Variants in COL28A1 observed in about 807,000 individuals in gnomAD.
The protein encoded by COL28A1 is collagen alpha-1(XXVIII) chain.
Under a neutral mutation model 150.2 loss-of-function variants are expected in COL28A1, and 161 were observed. The ratio of observed to expected loss-of-function variants is 1.07; its 90% CI spans 0.94 to 1.22. The LOEUF is 1.22. Among genes scored for constraint, COL28A1 ranks in the 50% most tolerant of loss-of-function variants. The pLI is 0.00. For synonymous variants in COL28A1, 552 were observed against 469.7 expected, an observed-to-expected ratio of 1.18 and a Z score of -2.26; for missense variants, 1,617 against 1,388.3, an observed-to-expected ratio of 1.16 and a Z score of -2.62.
chr7:7,368,030 T>C (rs1048958542), intron 33 of COL28A1, among the ~76,000 whole-genome samples: 3 of 152,088 alleles, frequency 2.0e-5, no homozygotes, highest in African/African-American at 7.2e-5. Flanking sequence ...CCCTGCCTTC[T>C]TTCAGGGCCT....
upstream of COL28A1, among the ~76,000 whole-genome samples, chr7:7,539,323 T>C (rs905460267): frequency 6.6e-5 from 10 of 152,236 alleles, no homozygotes; most frequent in African/African-American, 2.4e-4. Flanking sequence ...GTGCAGATCA[T>C]ATGGTAAGAG....
intron 13 of COL28A1, among the ~76,000 whole-genome samples, chr7:7,482,117 C>T (rs946639377): frequency 6.6e-5 from 10 of 152,112 alleles, no homozygotes; most frequent in Non-Finnish European, 1.3e-4. Flanking sequence ...GAGAGTAGTA[C>T]TAAATACGAA....
rs540447784 is a variant in COL28A1 at position 7,426,045 on chromosome 7, G to A, written c.1999-6092C>T. Among the ~76,000 whole-genome samples, 386 of 152,246 alleles carry A rather than the reference G, an allele frequency of 2.5e-3. 1 individual carries two copies. The highest frequency in any genetic ancestry group is 4.4e-3 in the Non-Finnish European group (296 of 68,010). Reference sequence around the variant, plus strand: ...TGCTGCCACTCTTTGAGAAGAAGGTGGAAGCAAGATATACTTGTTCCAAAA... The same window carrying A: ...TGCTGCCACTCTTTGAGAAGAAGGTAGAAGCAAGATATACTTGTTCCAAAA... On this transcript the variant is annotated intron_variant, in intron 25 of 34. Transcript: ENST00000399429.
chr7:7,444,445 T>C lies in COL28A1; in HGVS notation c.1554A>G (p.Pro518=). The change falls in exon 19 of 35, where the codon CCA becomes CCG. Residue 518 remains proline, a synonymous_variant. Coordinates refer to ENST00000399429, the MANE Select transcript of COL28A1 (RefSeq NM_001037763.3). ...TCTTCCCTGCAGCTCCATCTTCTCC[T>C]GGTACTCCTGGTTGTCCTGGGAGCC... ...SIGLPGQPGV[P]GEDGAAGKKG... 2.5e-6 allele frequency: 4 copies of C among 1,614,092 alleles called. No individual in the cohort carries two copies. Among genetic ancestry groups the C allele is most frequent in the Non-Finnish European group, 2.5e-6 (3 of 1,179,988 alleles).
chr7:7,375,572 C>G lies in COL28A1; in HGVS notation c.2323-75G>C, dbSNP rs1187963878. On this transcript the variant is annotated intron_variant, in intron 30 of 34. Coordinates refer to ENST00000399429, the MANE Select transcript of COL28A1 (RefSeq NM_001037763.3). ...TTTCCTAGAGCCATAAAAGATATCT[C>G]ATTACAATCAGCACTGGACCATTTG... 5 of 958,908 alleles carry G rather than the reference C, an allele frequency of 5.2e-6. No individual in the cohort carries two copies. The African/African-American group carries it at 8.2e-5, about 16-fold the overall frequency. 59.4% of individuals were successfully genotyped at this position (958,908 alleles called of 1,614,324 possible).
At chr7:7,519,046 T>C (rs1781566852) in intron 6 of COL28A1, among the ~76,000 whole-genome samples, 1 of 152,140 alleles carries the variant, frequency 6.6e-6, no homozygotes, top group South Asian at 2.1e-4. Flanking sequence ...ATTCCTTCCT[T>C]ATATTAGGAC....
chr7:7,403,013 G>T (rs1346225837), intron 27 of COL28A1, among the ~76,000 whole-genome samples: 3 of 152,162 alleles, frequency 2.0e-5, no homozygotes, highest in Non-Finnish European at 4.4e-5. Context: ...CTATCTCACA[G>T]TCTGGTGGTT....
intron 27 of COL28A1, among the ~76,000 whole-genome samples, chr7:7,414,149 C>T (rs963124144): frequency 9.9e-5 from 15 of 152,186 alleles, no homozygotes; most frequent in Admixed American, 9.8e-4. Context: ...GATCACATCC[C>T]TCCTGGCCTC....
At chr7:7,432,730 T>C (rs1785064041) in intron 23 of COL28A1, 30 bp from the exon 24 acceptor site, 3 of 1,575,976 alleles carry the variant, frequency 1.9e-6, no homozygotes, top group South Asian at 1.1e-5. Context: ...AGTGATATCA[T>C]GAGACTCAAC....
chr7:7,477,257 G>A, intron 13 of COL28A1, 77 bp from the exon 14 acceptor site: 3 of 779,490 alleles, frequency 3.8e-6, no homozygotes, highest in South Asian at 3.0e-5. Flanking sequence ...GAGGAAAGAG[G>A]AAGAAAGAGA....
intron 15 of COL28A1, among the ~76,000 whole-genome samples, chr7:7,463,867 T>C (rs1477252400): frequency 1.3e-5 from 2 of 152,258 alleles, no homozygotes; most frequent in South Asian, 2.1e-4. Flanking sequence ...ATACATAGAA[T>C]TGCAGAATGG....
intron 18 of COL28A1, among the ~76,000 whole-genome samples, chr7:7,451,622 T>C (rs139941759): frequency 2.6e-5 from 4 of 152,274 alleles, no homozygotes; most frequent in African/African-American, 9.6e-5. Flanking sequence ...CCTTACTATA[T>C]CGTATATTGC....
At chr7:7,375,111 T>C (rs532600253) in intron 31 of COL28A1, among the ~76,000 whole-genome samples, 5 of 152,312 alleles carry the variant, frequency 3.3e-5, no homozygotes, top group Admixed American at 1.3e-4. Flanking sequence ...CAAATACCAG[T>C]TTGGCTCTTG....
chr7:7,388,205 C>A (rs149658746), intron 27 of COL28A1, among the ~76,000 whole-genome samples: 8 of 151,868 alleles, frequency 5.3e-5, no homozygotes, highest in Admixed American at 5.2e-4. Flanking sequence ...ATGTTCCCCT[C>A]CCTGTACCCA....
intron 15 of COL28A1, among the ~76,000 whole-genome samples, chr7:7,462,563 C>T (rs1787716125): frequency 6.6e-6 from 1 of 152,238 alleles, no homozygotes; most frequent in South Asian, 2.1e-4. Flanking sequence ...CATGGACACA[C>T]TTACAGAAAT....
chr7:7,350,810 T>C, the COL28A1 span, among the ~76,000 whole-genome samples: 4 of 152,040 alleles, frequency 2.6e-5, no homozygotes, highest in African/African-American at 9.7e-5. Flanking sequence ...CAAATGATAC[T>C]TTGGCATAAT....
At chr7:7,380,738 C>T (rs1459402550) in intron 29 of COL28A1, 43 bp from the exon 30 acceptor site, 15 of 1,612,640 alleles carry the variant, frequency 9.3e-6, no homozygotes, top group Non-Finnish European at 1.3e-5. Context: ...AGGTTGGAAC[C>T]AGTTAGAGTA....
intron 11 of COL28A1, among the ~76,000 whole-genome samples, chr7:7,497,530 C>T (rs1455237321): frequency 6.6e-6 from 1 of 152,108 alleles, no homozygotes; most frequent in African/African-American, 2.4e-5. Context: ...AGGTTAAACC[C>T]AAATCTTAAT....
chr7:7,405,009 G>A (rs979500197), intron 27 of COL28A1, among the ~76,000 whole-genome samples: 2 of 152,088 alleles, frequency 1.3e-5, no homozygotes, highest in Admixed American at 6.6e-5. Context: ...TCAGCCTCCT[G>A]AGTAGCTGGG....
Sources: gnomAD v4.1 joint callset for allele counts (sites outside exome capture counted in the v4.1 genomes callset) on GRCh38, gnomAD v4.1.1 for gene constraint, MANE v1.5 for transcripts, NCBI Gene and HGNC (gene_info 2026-07-23, HGNC 2026-07-21) for gene names.